MCM3AP: variants seen among roughly 807,000 people sequenced by gnomAD.
MCM3AP encodes germinal-center associated nuclear protein.
In MCM3AP, 126 loss-of-function variants were observed where a neutral mutation model predicts 184.1. That is an observed-to-expected ratio of 0.68 (90% confidence interval 0.59 to 0.79). MCM3AP has a LOEUF of 0.79. Ranked by LOEUF, MCM3AP falls within the 30% of genes least tolerant of loss-of-function variation. The pLI, the probability that MCM3AP is intolerant of heterozygous loss-of-function variation, is 0.00. For synonymous variants in MCM3AP, 1,002 were observed against 979.3 expected (o/e 1.02, Z -0.43); for missense variants, 2,496 against 2,479.2 (o/e 1.01, Z -0.14).
At chr21:46,258,545 T>C (rs565104187) in intron 16 of MCM3AP, among the ~76,000 whole-genome samples, 2 of 152,340 alleles carry the variant, frequency 1.3e-5, no homozygotes, top group South Asian at 2.1e-4. Flanking sequence ...TCCCTATTAA[T>C]TGCTTTTTCT....
At chr21:46,276,209 G>A (rs1469549128) in intron 5 of MCM3AP, among the ~76,000 whole-genome samples, 11 of 151,226 alleles carry the variant, frequency 7.3e-5, no homozygotes, top group Admixed American at 1.3e-4. Flanking sequence ...CTGACGTTGC[G>A]CTCACTCTGT....
intron 6 of MCM3AP, 44 bp downstream of exon 6, chr21:46,275,142 C>G: frequency 6.3e-7 from 1 of 1,577,348 alleles, no homozygotes; most frequent in East Asian, 2.3e-5. Context: ...ACAAAAGCAG[C>G]CCCGTCCCCT....
At chr21:46,252,388 A>AT (rs1460022826) in intron 19 of MCM3AP, 1 of 152,212 alleles carries the variant, frequency 6.6e-6, no homozygotes, top group Non-Finnish European at 1.5e-5. Flanking sequence ...GAAGACAGCT[A>AT]TTTTAAGAAA....
chr21:46,251,812 T>C (rs2080874100), intron 19 of MCM3AP, 130 bp from the exon 20 acceptor site: 3 of 517,766 alleles, frequency 5.8e-6, no homozygotes, highest in Non-Finnish European at 1.0e-5. Flanking sequence ...AAATACCACA[T>C]CTTACTATGA....
In MCM3AP at chr21:46,266,974, G is replaced by A. The variant is rs775190426; in HGVS notation, c.2789+8C>T. The A allele has an allele frequency of 2.5e-6, 4 of 1,614,056 alleles. No homozygotes were observed. The Admixed American group carries it at 5.0e-5, about 20-fold the overall frequency. ...CAGGGGCCCCACAGTTCCATTCTCA[G>A]CTCTTACCCGTCGGAAACGGTGAGG... On this transcript the variant is annotated splice_region_variant and intron_variant, in intron 10 of 27. Coordinates refer to ENST00000291688, the MANE Select transcript of MCM3AP (RefSeq NM_003906.5).
Position 46,251,567 on chromosome 21 carries a change from T to C in MCM3AP, c.4252A>G (p.Lys1418Glu). Residue 1418 changes from lysine (K) to glutamate (E), a missense_variant, in exon 20 of 28, where the codon AAA becomes GAA. By Grantham distance (56) the Lys-to-Glu change is moderately conservative. This residue lies in a region of MCM3AP where 1,323 missense variants were observed against 1,273.4 expected (regional missense o/e 1.04). Coordinates refer to ENST00000291688, the MANE Select transcript of MCM3AP (RefSeq NM_003906.5). Reference sequence around the variant, plus strand: ...TTAACAGAAATCATCTGATCCCCTTTGCTGCTAAGTGAGTTGAAAAGCGAA... The same window carrying C: ...TTAACAGAAATCATCTGATCCCCTTCGCTGCTAAGTGAGTTGAAAAGCGAA... Reference protein sequence around the residue: ...TLSLFNSLSSKGDQMISVNVC... With the variant: ...TLSLFNSLSSEGDQMISVNVC... 2 of 1,612,736 alleles carry C rather than the reference T, an allele frequency of 1.2e-6. No individual in the cohort carries two copies. Among genetic ancestry groups the C allele is most frequent in the Non-Finnish European group, 1.7e-6 (2 of 1,178,746 alleles).
At chr21:46,258,737 ATGTG>A (rs55695472) in intron 16 of MCM3AP, among the ~76,000 whole-genome samples, 198 bp downstream of exon 16, 6 of 150,184 alleles carry the variant, frequency 4.0e-5, no homozygotes, top group African/African-American at 7.3e-5. Flanking sequence ...CTTATATTGT[ATGTG>A]TGTGTGTGTG....
intron 9 of MCM3AP, among the ~76,000 whole-genome samples, chr21:46,269,059 T>C (rs2081147769): frequency 6.6e-6 from 1 of 152,048 alleles, no homozygotes; most frequent in South Asian, 2.1e-4. Flanking sequence ...ATAAATAAAG[T>C]TATTAAAAAT....
chr21:46,263,383 A>C (rs1376834340), intron 13 of MCM3AP, among the ~76,000 whole-genome samples: 1 of 152,124 alleles, frequency 6.6e-6, no homozygotes, highest in African/African-American at 2.4e-5. Context: ...GGAGGCAAAA[A>C]CTTTATACGT....
chr21:46,285,192 C>A lies in MCM3AP; in HGVS notation c.95G>T (p.Arg32Leu), dbSNP rs1479532819. ...VGTLPSKPPFRFGQPSLFGQN... is the reference protein window; with the variant it reads ...VGTLPSKPPFLFGQPSLFGQN... ...TCCAAAAAGAGAAGGTTGACCAAAT[C>A]GAAATGGCGGCTTAGATGGAAGTGT... Residue 32 changes from arginine to leucine, a missense_variant, in exon 1 of 28, where the codon CGA becomes CTA. Physicochemically the swap from Arg to Leu is moderately radical, Grantham distance 102 (BLOSUM62 -2). Transcript: ENST00000291688. 6.2e-7 allele frequency: 1 copy of A among 1,614,076 alleles called. No individual in the cohort carries two copies. The highest frequency in any genetic ancestry group is 8.5e-7 in the Non-Finnish European group (1 of 1,180,042).
At chr21:46,261,245 C>T in intron 14 of MCM3AP, 35 bp downstream of exon 14, 2 of 1,611,788 alleles carry the variant, frequency 1.2e-6, no homozygotes, top group South Asian at 2.2e-5. Flanking sequence ...CCACACTGAG[C>T]TCCTTATTCG....
chr21:46,243,005 AC>A (rs1342176109), intron 24 of MCM3AP, 74 bp from the exon 25 acceptor site: 27 of 1,277,240 alleles, frequency 2.1e-5, no homozygotes, highest in Middle Eastern at 2.0e-4. Context: ...AAAAACACAC[AC>A]AAAAAAACAA....
At position 46,272,526 on chromosome 21, in the gene MCM3AP, C is replaced by T; in HGVS notation, c.2465+35G>A. 2 of 1,591,602 alleles carry T rather than the reference C, an allele frequency of 1.3e-6. 1 individual carries two copies. Among genetic ancestry groups the T allele is most frequent in the South Asian group, 2.3e-5 (2 of 87,862 alleles). ...TCCTGTTTAAAGCCTGCCTTTTCAG[C>T]CACCTTAGGACAACTTTTGGATGTG... On this transcript the variant is annotated intron_variant, in intron 8 of 27. Transcript: ENST00000291688.
rs141657571 is a variant in MCM3AP at position 46,246,339 on chromosome 21, C to T, written c.4615G>A (p.Asp1539Asn). ...ISDYTVTEIP[D>N]TINDLQGSTK... ...GAACCTTGTAGATCATTAATGGTAT[C>T]AGGGATCTCGGTAACAGTGTAATCT... Residue 1539 changes from aspartate to asparagine, a missense_variant, in exon 22 of 28, where the codon GAT becomes AAT. Transcript: ENST00000291688. 51 of 1,611,630 alleles carry T rather than the reference C, an allele frequency of 3.2e-5. No homozygotes were observed. The highest frequency in any genetic ancestry group is 4.2e-5 in the Non-Finnish European group (49 of 1,177,784).
intron 9 of MCM3AP, chr21:46,270,130 T>A: frequency 1.6e-5 from 5 of 307,000 alleles, no homozygotes; most frequent in Non-Finnish European, 3.0e-5. Flanking sequence ...ATGATGATAG[T>A]GCTGAATTCA....
chr21:46,267,313 G>A, intron 9 of MCM3AP, 171 bp from the exon 10 acceptor site: 1 of 619,012 alleles, frequency 1.6e-6, no homozygotes, highest in Non-Finnish European at 2.8e-6. Flanking sequence ...ATCATAGGCG[G>A]TCTGCTCAGG....
At chr21:46,268,022 C>A (rs897872177) in intron 9 of MCM3AP, 3 of 151,910 alleles carry the variant, frequency 2.0e-5, no homozygotes, top group Non-Finnish European at 4.4e-5. Flanking sequence ...CATGGTGAAA[C>A]CCCATCTCTA....
Position 46,285,216 on chromosome 21 carries a change from G to C in MCM3AP, c.71C>G (p.Thr24Arg). 1 of 1,614,232 alleles carries C rather than the reference G, an allele frequency of 6.2e-7. No individual in the cohort carries two copies. Among genetic ancestry groups the C allele is most frequent in the East Asian group, 2.2e-5 (1 of 44,890 alleles). ...AFSASSSNVG[T>R]LPSKPPFRFG... ...TCGAAATGGCGGCTTAGATGGAAGT[G>C]TTCCTACATTACTAGAAGACGCCGA... The change falls in exon 1 of 28, where the codon ACA becomes AGA. Residue 24 changes from threonine to arginine, a missense_variant. By Grantham distance (71) the Thr-to-Arg change is moderately conservative. This residue lies in a region of MCM3AP where 800 missense variants were observed against 717.1 expected (regional missense o/e 1.12). Transcript: ENST00000291688.
In MCM3AP at chr21:46,244,901, A is replaced by G; in HGVS notation, c.4944T>C (p.Pro1648=). The change falls in exon 23 of 28, where the codon CCT becomes CCC. Residue 1648 remains proline, a synonymous_variant. Coordinates refer to ENST00000291688, the MANE Select transcript of MCM3AP (RefSeq NM_003906.5). The part of the protein sequence containing the change: ...FAEAGGSRLL[P]HLHWNAPEHL... ...GCTCTGGGGCATTCCAGTGCAGGTG[A>G]GGAAGCAGCCGGCTGCCCCCTGCCT... 5 of 1,614,184 alleles carry G rather than the reference A, an allele frequency of 3.1e-6. No homozygotes were observed. Among genetic ancestry groups the G allele is most frequent in the Non-Finnish European group, 4.2e-6 (5 of 1,180,034 alleles).
Sources: allele counts gnomAD v4.1 joint callset (sites outside exome capture counted in the v4.1 genomes callset), GRCh38; gene constraint gnomAD v4.1.1; regional missense constraint gnomAD v4.1.1; transcripts MANE v1.5; gene names NCBI Gene and HGNC (gene_info 2026-07-23, HGNC 2026-07-21).